The following TBK1 variants were observed in gnomAD, a reference collection of about 807,000 sequenced individuals.
TBK1 encodes the protein TANK binding kinase 1.
TBK1 carries 37 observed loss-of-function variants against 99.9 expected under a neutral mutation model. The observed-to-expected ratio is 0.37, with a 90% confidence interval of 0.28 to 0.49. TBK1 has a LOEUF of 0.49. Ranked by LOEUF, TBK1 falls within the 20% of genes least tolerant of loss-of-function variation. TBK1 has a pLI of 0.98. For missense variants in TBK1, 644 were observed against 872.5 expected, an observed-to-expected ratio of 0.74 and a Z score of 3.30; for synonymous variants, 258 against 279.8, an observed-to-expected ratio of 0.92 and a Z score of 0.78.
intron 13 of TBK1, among the ~76,000 whole-genome samples, 193 bp downstream of exon 13, chr12:64,490,312 C>G (rs1353055103): frequency 6.6e-6 from 1 of 152,192 alleles, no homozygotes; most frequent in African/African-American, 2.4e-5. Context: ...GGTGCCACTG[C>G]ACCCTAGCCT....
intron 8 of TBK1, 94 bp from the exon 9 acceptor site, chr12:64,484,209 T>C: frequency 1.3e-6 from 1 of 791,808 alleles, no homozygotes; most frequent in Non-Finnish European, 2.0e-6. Flanking sequence ...ATTAGGGATA[T>C]GAATTAGAAA....
intron 5 of TBK1, among the ~76,000 whole-genome samples, chr12:64,468,642 C>T (rs1175863501): frequency 1.3e-5 from 2 of 151,994 alleles, no homozygotes; most frequent in Non-Finnish European, 2.9e-5. Context: ...ATGGAGCCCA[C>T]GTTCTGGTAG....
At chr12:64,461,495 T>C (rs1194555178) in intron 3 of TBK1, among the ~76,000 whole-genome samples, 2 of 152,238 alleles carry the variant, frequency 1.3e-5, no homozygotes, top group Non-Finnish European at 2.9e-5. Context: ...ATCAGAAATA[T>C]AATTTTATGC....
At chr12:64,494,305 AAAAAAAAAG>A (rs777570189) in intron 13 of TBK1, among the ~76,000 whole-genome samples, 80 of 143,764 alleles carry the variant, frequency 5.6e-4, no homozygotes, top group Admixed American at 1.2e-3. Context: ...TCTACCAAAA[AAAAAAAAAG>A]AAAAAAAAGA....
chr12:64,478,320 T>C (rs1371405391), intron 6 of TBK1, among the ~76,000 whole-genome samples: 1 of 152,144 alleles, frequency 6.6e-6, no homozygotes, highest in Non-Finnish European at 1.5e-5. Context: ...CCGGCTAATT[T>C]TTGTATTTTT....
chr12:64,464,835 TAAA>T (rs1215126023), intron 4 of TBK1, among the ~76,000 whole-genome samples: 1 of 151,654 alleles, frequency 6.6e-6, no homozygotes. Context: ...AACAAGTACA[TAAA>T]AAAAAGCTCA....
At position 64,502,040 on chromosome 12, in the gene TBK1, G is replaced by C. The variant is rs1868250252; in HGVS notation, c.*659G>C. 8.2e-6 allele frequency: 1 copy of C among 121,498 alleles called. No individual in the cohort carries two copies. The highest frequency in any genetic ancestry group is 2.4e-4 in the South Asian group (1 of 4,092). 7.5% of individuals were successfully genotyped at this position (121,498 alleles called of 1,614,324 possible). A position where few individuals can be genotyped will look rare whatever the true frequency, so the allele number is the denominator to read the frequency against. ...TTAAAATTCTAAGGTCATTTCAACT[G>C]TTTTAAGCTGTATATTTCTTTAATT... is the stretch of plus-strand genomic sequence containing the variant. On this transcript the variant is annotated 3_prime_UTR_variant, in exon 21 of 21. Coordinates refer to ENST00000331710, the MANE Select transcript of TBK1 (RefSeq NM_013254.4).
intron 20 of TBK1, among the ~76,000 whole-genome samples, chr12:64,499,693 CTTTTTTTTT>C (rs56725684): frequency 3.6e-5 from 3 of 82,934 alleles, no homozygotes; most frequent in East Asian, 8.6e-4. Context: ...TAAAGATGTG[CTTTTTTTTT>C]TTTTTTTTTT....
chr12:64,459,987 T>C (rs2040528381), intron 2 of TBK1, among the ~76,000 whole-genome samples: 1 of 152,220 alleles, frequency 6.6e-6, no homozygotes, highest in Non-Finnish European at 1.5e-5. Context: ...CCAAAAGGTG[T>C]AATTTGAAAG....
rs375615378 is a variant in TBK1, at chr12:64,464,472, G to A, written c.358+9G>A. The A allele has an allele frequency of 6.4e-7, 1 of 1,556,110 alleles. No homozygotes were observed. The highest frequency in any genetic ancestry group is 1.2e-5 in the South Asian group (1 of 81,252). On this transcript the variant is annotated intron_variant, in intron 4 of 20. Transcript: ENST00000331710. ...TGTTTTGCGAGATGTGGGTATGTTT[G>A]TTTATTTATATGATATCATTTGTAT...
intron 19 of TBK1, 62 bp from the exon 20 acceptor site, chr12:64,497,906 A>AC: frequency 6.7e-7 from 1 of 1,503,404 alleles, no homozygotes; most frequent in Non-Finnish European, 9.2e-7. Flanking sequence ...AATAAAACAT[A>AC]AACATCATTC....
chr12:64,495,224 T>C, intron 13 of TBK1: 1 of 264,720 alleles, frequency 3.8e-6, no homozygotes, highest in Non-Finnish European at 7.1e-6. Flanking sequence ...ATTTTACATG[T>C]GGTTTTAGAA....
intron 6 of TBK1, among the ~76,000 whole-genome samples, chr12:64,477,695 G>C (rs2136072883): frequency 6.6e-6 from 1 of 152,258 alleles, no homozygotes. Flanking sequence ...ATGTTGAATA[G>C]GAGTGGTGAG....
chr12:64,479,430 GGTTT>G (rs1049461900), intron 6 of TBK1, among the ~76,000 whole-genome samples: 3 of 152,104 alleles, frequency 2.0e-5, no homozygotes, highest in African/African-American at 7.2e-5. Context: ...CAGTTGTGGT[GGTTT>G]GTTCTATTTT....
chr12:64,452,157 G>C lies in TBK1; in HGVS notation c.-62G>C, dbSNP rs1217460045. The C allele has an allele frequency of 1.3e-5, 2 of 152,418 alleles. No homozygotes were observed. Among genetic ancestry groups the C allele is most frequent in the East Asian group, 1.9e-4 (1 of 5,162 alleles). The allele number at this position is 152,418 out of a possible 1,614,324, so 9.4% of individuals were successfully genotyped here. On this transcript the variant is annotated 5_prime_UTR_variant, in exon 1 of 21. Transcript: ENST00000331710. ...AGTCTCGAGGAGGCCGCGGGAGCCC[G>C]CCGGCGGTGGCGCGGCGGAGACCCG...
At chr12:64,497,794 T>C (rs1002539119) in intron 19 of TBK1, 40 bp downstream of exon 19, 1 of 1,498,916 alleles carries the variant, frequency 6.7e-7, no homozygotes, top group Non-Finnish European at 9.1e-7. Context: ...TGTTTCCATT[T>C]GCTTTCATTG....
chr12:64,469,853 C>T (rs536389834), intron 5 of TBK1, among the ~76,000 whole-genome samples: 1 of 152,182 alleles, frequency 6.6e-6, no homozygotes, highest in Admixed American at 6.5e-5. Context: ...AGCTAGTTCA[C>T]CAGGCCCAGC....
intron 16 of TBK1, among the ~76,000 whole-genome samples, chr12:64,496,681 A>G (rs553061869): frequency 6.6e-6 from 1 of 152,322 alleles, no homozygotes; most frequent in Non-Finnish European, 1.5e-5. Flanking sequence ...AGTACAGATA[A>G]TACAGCACAT....
At chr12:64,455,434 A>G (rs1273608544) in intron 1 of TBK1, among the ~76,000 whole-genome samples, 1 of 152,216 alleles carries the variant, frequency 6.6e-6, no homozygotes, top group Non-Finnish European at 1.5e-5. Context: ...ACTCTTAATA[A>G]TCCATTTATA....
Sources: gnomAD v4.1 joint callset for allele counts (sites outside exome capture counted in the v4.1 genomes callset) on GRCh38, gnomAD v4.1.1 for gene constraint, MANE v1.5 for transcripts, NCBI Gene and HGNC (gene_info 2026-07-23, HGNC 2026-07-21) for gene names.